Variants in GPAT3 observed in about 807,000 individuals in gnomAD.
GPAT3 encodes 1-AGP acyltransferase 9.
Under a neutral mutation model 58.8 loss-of-function variants are expected in GPAT3, and 53 were observed. The ratio of observed to expected loss-of-function variants is 0.90; its 90% CI spans 0.72 to 1.13. GPAT3 has a LOEUF of 1.13. Ranked by LOEUF, GPAT3 falls within the 50% of genes most tolerant of loss-of-function variation. The pLI is 0.00. For missense variants in GPAT3, 511 were observed against 527.6 expected (o/e 0.97, Z 0.31); for synonymous variants, 197 against 187.4 (o/e 1.05, Z -0.42).
At chr4:83,586,797 T>C (rs1726390462) in intron 3 of GPAT3, among the ~76,000 whole-genome samples, 4 of 152,234 alleles carry the variant, frequency 2.6e-5, no homozygotes, top group Admixed American at 2.6e-4. Flanking sequence ...TCTTGAACCA[T>C]GCAAAAGGAC....
At chr4:83,583,191 G>A (rs913139642) in intron 3 of GPAT3, among the ~76,000 whole-genome samples, 19 of 152,228 alleles carry the variant, frequency 1.2e-4, no homozygotes, top group African/African-American at 4.3e-4. Context: ...CTACTCGGGA[G>A]GCTGAGACAG....
chr4:83,549,452 T>A (rs1035237235), intron 2 of GPAT3, among the ~76,000 whole-genome samples: 1 of 130,484 alleles, frequency 7.7e-6, no homozygotes, highest in Admixed American at 7.7e-5. Context: ...TGCGTGTGTG[T>A]GTGTGTGTGT....
intron 2 of GPAT3, among the ~76,000 whole-genome samples, chr4:83,558,055 A>G (rs544611273): frequency 6.6e-6 from 1 of 152,268 alleles, no homozygotes; most frequent in South Asian, 2.1e-4. Context: ...TCTACTAAAA[A>G]TACACAAAAT....
rs749976752 is a variant in GPAT3 at position 83,583,667 on chromosome 4, GAAAAAAAAAAAAA to G, written c.479+1853_479+1865del. Among the ~76,000 whole-genome samples the G allele has an allele frequency of 8.9e-4, 21 of 23,478 alleles. No individual in the cohort carries two copies. In the East Asian group the frequency reaches 0.018, roughly 21 times the overall value. 15.4% of individuals were successfully genotyped at this position (23,478 alleles called of 152,430 possible). On this transcript the variant is annotated intron_variant, in intron 3 of 11. Transcript: ENST00000264409. The stretch of plus-strand genomic sequence containing the variant: ...GGGTGACAGAGCGAGACTCTTGTCT[GAAAAAAAAAAAAA>G]AAAAAAAAAAAAAAAAATGAAGCTG...
chr4:83,597,612 C>A, intron 9 of GPAT3, 97 bp downstream of exon 9: 1 of 862,372 alleles, frequency 1.2e-6, no homozygotes, highest in Non-Finnish European at 1.7e-6. Context: ...TTTGCAAGAA[C>A]GAGGAACACC....
chr4:83,540,615 A>C (rs1724264635), intron 1 of GPAT3, among the ~76,000 whole-genome samples: 1 of 152,210 alleles, frequency 6.6e-6, no homozygotes, highest in African/African-American at 2.4e-5. Flanking sequence ...ACTGTGTGGT[A>C]GGCAGCAGCT....
At chr4:83,540,069 A>G (rs1360752360) in intron 1 of GPAT3, among the ~76,000 whole-genome samples, 1 of 151,900 alleles carries the variant, frequency 6.6e-6, no homozygotes, top group Non-Finnish European at 1.5e-5. Flanking sequence ...GAGGCTGAGA[A>G]TCACTTGAAC....
At chr4:83,574,492 G>A (rs368687230) in intron 2 of GPAT3, among the ~76,000 whole-genome samples, 1 of 141,234 alleles carries the variant, frequency 7.1e-6, no homozygotes, top group African/African-American at 2.5e-5. Context: ...TCGCTTGTGT[G>A]AGATAGACAG....
At chr4:83,551,813 A>AATCTATCTATCTATCTATCTATCT (rs3083939) in intron 2 of GPAT3, among the ~76,000 whole-genome samples, 101 of 102,388 alleles carry the variant, frequency 9.9e-4, no homozygotes, top group East Asian at 2.2e-3. Flanking sequence ...AAAAAAAAAA[A>AATCTATCTATCTATCTATCTATCT]ATCTATCTAT....
chr4:83,577,827 C>T (rs951784574), intron 2 of GPAT3, among the ~76,000 whole-genome samples: 1 of 111,274 alleles, frequency 9.0e-6, no homozygotes, highest in African/African-American at 3.4e-5. Flanking sequence ...GACAGGGTCT[C>T]GTTCTGTTGC....
chr4:83,547,200 G>A (rs893831518), intron 2 of GPAT3, among the ~76,000 whole-genome samples: 1 of 151,462 alleles, frequency 6.6e-6, no homozygotes, highest in African/African-American at 2.4e-5. Flanking sequence ...AGCTGAGAGG[G>A]AGAGTTATGC....
At chr4:83,565,176 C>T (rs1725335898) in intron 2 of GPAT3, among the ~76,000 whole-genome samples, 1 of 152,104 alleles carries the variant, frequency 6.6e-6, no homozygotes, top group African/African-American at 2.4e-5. Flanking sequence ...TCTCAACTCA[C>T]TGCAACCTCT....
At chr4:83,566,838 A>G (rs560609672) in intron 2 of GPAT3, among the ~76,000 whole-genome samples, 1 of 149,646 alleles carries the variant, frequency 6.7e-6, no homozygotes, top group South Asian at 2.1e-4. Flanking sequence ...TGTATCCTTA[A>G]GAGATGTTCT....
In GPAT3 at chr4:83,536,469, T is replaced by G; in HGVS notation, c.-154T>G. 6.9e-7 allele frequency: 1 copy of G among 1,454,082 alleles called. No homozygotes were observed. The highest frequency in any genetic ancestry group is 9.0e-7 in the Non-Finnish European group (1 of 1,109,924). 90.1% of individuals were successfully genotyped at this position (1,454,082 alleles called of 1,614,324 possible). A position where few individuals can be genotyped will look rare whatever the true frequency, so the allele number is the denominator to read the frequency against. Reference sequence around the variant, plus strand: ...GGAAGGAAGGATATTGCCGTAATTCTGAAAGTTTTTTTCCTTCCTCTCTTC... The same window carrying G: ...GGAAGGAAGGATATTGCCGTAATTCGGAAAGTTTTTTTCCTTCCTCTCTTC... On this transcript the variant is annotated 5_prime_UTR_variant, in exon 1 of 12. Coordinates refer to ENST00000264409, the MANE Select transcript of GPAT3 (RefSeq NM_032717.5).
rs1553944907 is a variant in GPAT3 at position 83,562,211 on chromosome 4, TTATA to T, written c.208+17620_208+17623del. Among the ~76,000 whole-genome samples, 22 of 73,008 alleles carry T rather than the reference TTATA, an allele frequency of 3.0e-4. No homozygotes were observed. In the East Asian group the frequency reaches 5.0e-3, roughly 16 times the overall value. 47.9% of individuals were successfully genotyped at this position (73,008 alleles called of 152,430 possible). On this transcript the variant is annotated intron_variant, in intron 2 of 11. Transcript: ENST00000264409. ...TATATATATATATAATATATATATA[TTATA>T]TATATATATAATATATATATAATAT...
intron 3 of GPAT3, among the ~76,000 whole-genome samples, chr4:83,586,735 A>G (rs866327917): frequency 9.2e-5 from 14 of 152,248 alleles, no homozygotes; most frequent in African/African-American, 2.2e-4. Context: ...GGCAATGTCT[A>G]TATGGAGGTT....
At chr4:83,594,622 G>A (rs1474250) in intron 6 of GPAT3, among the ~76,000 whole-genome samples, 46,079 of 152,078 alleles carry the variant, frequency 0.3, 7,085 homozygotes, top group Middle Eastern at 0.43. Context: ...TGAAGTTAGA[G>A]GATTGCTAGC....
intron 2 of GPAT3, among the ~76,000 whole-genome samples, chr4:83,558,071 G>T (rs188412987): frequency 6.4e-4 from 97 of 152,088 alleles, no homozygotes; most frequent in African/African-American, 2.2e-3. Flanking sequence ...AAAATTAGCC[G>T]GGCATGGTGG....
Position 83,536,298 on chromosome 4 carries a change from C to T in GPAT3, c.-325C>T, listed in dbSNP as rs1044809175. ...CCTGGCTGCGCTCGCGCGCTCTGCC[C>T]GCGCCGCGGTGTGCCTCCGCTTACC... On this transcript the variant is annotated 5_prime_UTR_variant, in exon 1 of 12. Transcript: ENST00000264409. The T allele has an allele frequency of 5.6e-6, 6 of 1,068,156 alleles. No individual in the cohort carries two copies. The East Asian group carries it at 2.7e-4, about 47-fold the overall frequency. 66.2% of individuals were successfully genotyped at this position (1,068,156 alleles called of 1,614,324 possible).
Sources: gnomAD v4.1 joint callset for allele counts (sites outside exome capture counted in the v4.1 genomes callset) on GRCh38, gnomAD v4.1.1 for gene constraint, MANE v1.5 for transcripts, NCBI Gene and HGNC (gene_info 2026-07-23, HGNC 2026-07-21) for gene names.